The following IRAK2 variants were observed in gnomAD, a reference collection of about 807,000 sequenced individuals.
The protein encoded by IRAK2 is interleukin-1 receptor-associated kinase-like 2.
IRAK2 carries 57 observed loss-of-function variants against 72.0 expected under a neutral mutation model. That is an observed-to-expected ratio of 0.79 (90% confidence interval 0.64 to 0.99). IRAK2 has a LOEUF of 0.99. Ranked by LOEUF, IRAK2 falls within the 50% of genes least tolerant of loss-of-function variation. The probability of loss-of-function intolerance (pLI) is 0.00; values close to 1 mark genes in which losing one functional copy is unlikely to be tolerated. For missense variants in IRAK2, 790 were observed against 794.4 expected (o/e 0.99, Z 0.07); for synonymous variants, 293 against 312.7 (o/e 0.94, Z 0.67).
Position 10,219,788 on chromosome 3 carries a change from A to T in IRAK2, c.1012A>T (p.Ser338Cys), listed in dbSNP as rs1575982185. ...GLEIIHSNVK[S>C]SNVLLDQNLT... ...GGAGATCATCCACAGCAACGTCAAGAGGTGAGAGAGGTGGGCTGGACCCTG... is the reference window on the plus strand; with the variant it reads ...GGAGATCATCCACAGCAACGTCAAGTGGTGAGAGAGGTGGGCTGGACCCTG... Residue 338 changes from serine (S) to cysteine (C), a missense_variant and splice_region_variant, in exon 8 of 13, where the codon AGC (serine) becomes TGC (cysteine). Transcript: ENST00000256458. 1.2e-6 allele frequency: 2 copies of T among 1,606,388 alleles called. No homozygotes were observed. Among genetic ancestry groups the T allele is most frequent in the Non-Finnish European group, 1.7e-6 (2 of 1,173,180 alleles).
chr3:10,187,912 TCTGTTTCTGG>T (rs1697104383), intron 2 of IRAK2, among the ~76,000 whole-genome samples: 1 of 151,618 alleles, frequency 6.6e-6, no homozygotes, highest in Non-Finnish European at 1.5e-5. Flanking sequence ...GTGAGAAGAG[TCTGTTTCTGG>T]GGCTAGGGTC....
chr3:10,198,587 A>T (rs1207823171), intron 2 of IRAK2, among the ~76,000 whole-genome samples: 2 of 152,238 alleles, frequency 1.3e-5, no homozygotes, highest in Admixed American at 6.5e-5. Flanking sequence ...AATGCAGATA[A>T]ACCTATGAAC....
At chr3:10,238,664 C>T (rs1698003476) in intron 11 of IRAK2, 84 bp from the exon 12 acceptor site, 1 of 1,311,604 alleles carries the variant, frequency 7.6e-7, no homozygotes. Flanking sequence ...GCTCCCCGCC[C>T]CCTCTCTGCT....
At chr3:10,165,400 T>C (rs1696666066) in intron 1 of IRAK2, among the ~76,000 whole-genome samples, 1 of 152,014 alleles carries the variant, frequency 6.6e-6, no homozygotes. Context: ...CTCGACCCTG[T>C]AGGGACCCAC....
At chr3:10,228,650 G>A (rs1340377416) in intron 10 of IRAK2, among the ~76,000 whole-genome samples, 1 of 152,162 alleles carries the variant, frequency 6.6e-6, no homozygotes, top group African/African-American at 2.4e-5. Flanking sequence ...CTAGACTCTT[G>A]TATGGTCTCT....
At chr3:10,203,664 G>A (rs1377397320) in intron 3 of IRAK2, among the ~76,000 whole-genome samples, 3 of 152,070 alleles carry the variant, frequency 2.0e-5, no homozygotes, top group South Asian at 2.1e-4. Flanking sequence ...ACAGAGTCTC[G>A]CTCTATCACT....
At chr3:10,222,872 AT>A in intron 9 of IRAK2, 41 bp downstream of exon 9, 1 of 1,562,574 alleles carries the variant, frequency 6.4e-7, no homozygotes, top group Non-Finnish European at 8.8e-7. Context: ...GCCCACCTTG[AT>A]TTGTCCTTCC....
intron 2 of IRAK2, among the ~76,000 whole-genome samples, chr3:10,190,242 G>T (rs1007131180): frequency 7.1e-6 from 1 of 140,164 alleles, no homozygotes; most frequent in African/African-American, 2.7e-5. Context: ...GACTGGGAAG[G>T]TTCAAAGCAT....
intron 11 of IRAK2, among the ~76,000 whole-genome samples, chr3:10,236,701 G>C (rs1021924141): frequency 6.6e-6 from 1 of 152,090 alleles, no homozygotes; most frequent in Non-Finnish European, 1.5e-5. Context: ...ATTCTAAAAA[G>C]TTCTGTCTCC....
At chr3:10,175,780 C>G (rs771617660) in intron 1 of IRAK2, among the ~76,000 whole-genome samples, 3 of 150,572 alleles carry the variant, frequency 2.0e-5, no homozygotes, top group Non-Finnish European at 2.9e-5. Context: ...GTCCCAGCTA[C>G]TCGGGAGGCT....
chr3:10,210,385 A>C (rs1234047326), intron 4 of IRAK2, among the ~76,000 whole-genome samples: 1 of 152,122 alleles, frequency 6.6e-6, no homozygotes, highest in African/African-American at 2.4e-5. Context: ...TGTCTCCAAA[A>C]ATGTATGACC....
At position 10,165,721 on chromosome 3, in the gene IRAK2, ATTTTTTTTTTTTTT is replaced by A. The variant is rs34176794; in HGVS notation, c.94+687_94+700del. On this transcript the variant is annotated intron_variant, in intron 1 of 12. Coordinates refer to ENST00000256458, the MANE Select transcript of IRAK2 (RefSeq NM_001570.4). ...ATGTTGGCCAGACTGGTCTTGAACT[ATTTTTTTTTTTTTT>A]TTTTTTTTTTTTTAAGACGGAGTCT... Among the ~76,000 whole-genome samples, 6 of 76,776 alleles carry A rather than the reference ATTTTTTTTTTTTTT, an allele frequency of 7.8e-5. No individual in the cohort carries two copies. In the South Asian group the frequency reaches 1.5e-3, roughly 19 times the overall value. 50.4% of individuals were successfully genotyped at this position (76,776 alleles called of 152,430 possible).
chr3:10,202,092 G>T (rs1481511242), intron 3 of IRAK2, among the ~76,000 whole-genome samples: 1 of 152,170 alleles, frequency 6.6e-6, no homozygotes, highest in Non-Finnish European at 1.5e-5. Context: ...ACTCCAGATA[G>T]GTTGAATCTA....
intron 2 of IRAK2, among the ~76,000 whole-genome samples, chr3:10,183,151 C>T (rs977258022): frequency 7.2e-5 from 11 of 152,176 alleles, no homozygotes; most frequent in African/African-American, 2.7e-4. Context: ...ACCAGAAGTC[C>T]TGGACATGAA....
intron 2 of IRAK2, among the ~76,000 whole-genome samples, chr3:10,195,594 A>G (rs1033073000): frequency 6.6e-5 from 10 of 151,888 alleles, no homozygotes; most frequent in African/African-American, 2.4e-4. Context: ...GTAAGGCTGT[A>G]AGTATCACCC....
At chr3:10,180,175 G>A (rs1169069709) in intron 2 of IRAK2, among the ~76,000 whole-genome samples, 6 of 152,030 alleles carry the variant, frequency 3.9e-5, no homozygotes, top group Admixed American at 3.9e-4. Flanking sequence ...AGTGGGGATG[G>A]GGGGTCTGGT....
At position 10,199,353 on chromosome 3, in the gene IRAK2, C is replaced by T. The variant is rs113732611; in HGVS notation, c.278-1016C>T. 1.6e-3 allele frequency among the ~76,000 whole-genome samples: 247 copies of T among 152,264 alleles called. 1 individual carries two copies. Among genetic ancestry groups the T allele is most frequent in the African/African-American group, 5.7e-3 (235 of 41,526 alleles). The stretch of plus-strand genomic sequence containing the variant: ...TTCGGCCAGTCCTGCGTGCCTTTGG[C>T]ATGTGATCTTAGCAAGTCATTTAAC... On this transcript the variant is annotated intron_variant, in intron 2 of 12. Coordinates refer to ENST00000256458, the MANE Select transcript of IRAK2 (RefSeq NM_001570.4).
At chr3:10,216,696 A>T (rs1294003202) in intron 6 of IRAK2, among the ~76,000 whole-genome samples, 1 of 152,120 alleles carries the variant, frequency 6.6e-6, no homozygotes, top group Non-Finnish European at 1.5e-5. Flanking sequence ...GAGATGGGGC[A>T]GTTGAGATGT....
At chr3:10,227,664 GT>G (rs1163281815) in intron 10 of IRAK2, among the ~76,000 whole-genome samples, 6 of 137,746 alleles carry the variant, frequency 4.4e-5, no homozygotes, top group East Asian at 6.3e-4. Flanking sequence ...GACATCATGA[GT>G]TTTTTTTTTG....
Sources: gnomAD v4.1 joint callset for allele counts (sites outside exome capture counted in the v4.1 genomes callset) on GRCh38, gnomAD v4.1.1 for gene constraint, MANE v1.5 for transcripts, NCBI Gene and HGNC (gene_info 2026-07-23, HGNC 2026-07-21) for gene names.